The following PDE1C variants were observed in gnomAD, a reference collection of about 807,000 sequenced individuals.
The protein encoded by PDE1C is phosphodiesterase 1C.
A neutral mutation model predicts 93.1 loss-of-function variants in PDE1C; 62 were observed. That is an observed-to-expected ratio of 0.67 (90% confidence interval 0.54 to 0.82). The LOEUF (loss-of-function observed/expected upper bound fraction) is 0.82, where lower values mean the gene tolerates loss of function less well. Among genes scored for constraint, PDE1C ranks in the 40% least tolerant of loss-of-function variants. The pLI, the probability that PDE1C is intolerant of heterozygous loss-of-function variation, is 0.00. For missense variants in PDE1C, 742 were observed against 884.6 expected, an observed-to-expected ratio of 0.84 and a Z score of 2.04; for synonymous variants, 325 against 310.1, an observed-to-expected ratio of 1.05 and a Z score of -0.50.
the PDE1C span, among the ~76,000 whole-genome samples, chr7:31,644,664 T>C: frequency 6.6e-6 from 1 of 152,214 alleles, no homozygotes; most frequent in African/African-American, 2.4e-5. Context: ...AGCCCTTGAT[T>C]AATCAGTAAT....
At chr7:32,383,629 A>ATT (rs1344673929) in intron 1 of PDE1C, among the ~76,000 whole-genome samples, 1 of 151,000 alleles carries the variant, frequency 6.6e-6, no homozygotes, top group Admixed American at 6.6e-5. Flanking sequence ...TGATATAATA[A>ATT]TTATCAGAAT....
intron 17 of PDE1C, among the ~76,000 whole-genome samples, chr7:31,758,317 TA>T (rs891753740): frequency 1.3e-4 from 10 of 79,280 alleles, no homozygotes; most frequent in South Asian, 2.9e-4. Context: ...TAAAAAAAAT[TA>T]AAAAAAAATT....
the PDE1C span, among the ~76,000 whole-genome samples, chr7:31,644,728 A>G: frequency 6.6e-6 from 1 of 152,200 alleles, no homozygotes; most frequent in Non-Finnish European, 1.5e-5. Context: ...AAGGTAAGAA[A>G]TGATCTAGGC....
chr7:32,051,632 G>T, intron 1 of PDE1C, 52 bp from the exon 2 acceptor site: 3 of 1,497,764 alleles, frequency 2.0e-6, no homozygotes, highest in Admixed American at 1.7e-5. Context: ...GCAGGCAGTG[G>T]GTAAGAAAGG....
chr7:32,326,830 T>G (rs911877336), intron 1 of PDE1C, among the ~76,000 whole-genome samples: 1 of 152,126 alleles, frequency 6.6e-6, no homozygotes, highest in African/African-American at 2.4e-5. Context: ...AATAACAGCA[T>G]GTTTGCATGC....
rs2072426 is a variant in PDE1C, at chr7:31,822,477, T to C, written c.1582+596A>G. Among the ~76,000 whole-genome samples the C allele has an allele frequency of 5.1e-4, 77 of 152,298 alleles. 1 individual carries two copies. In the East Asian group the frequency reaches 0.014, roughly 27 times the overall value. On this transcript the variant is annotated intron_variant, in intron 14 of 17. Transcript: ENST00000396191. ...GCTTTCCAAATCATACAAATTTCCA[T>C]ATTTTTCTGTTGATAGTACCAAGGG...
rs926239332 is a variant in PDE1C, at chr7:31,964,007, G to T, written c.129-83147C>A. ...GGTGGCCAAATAGGAACAGCTGGGAGCTATCTACAGCTCCCAGTGTGAGCG... is the reference window on the plus strand; with the variant it reads ...GGTGGCCAAATAGGAACAGCTGGGATCTATCTACAGCTCCCAGTGTGAGCG... On this transcript the variant is annotated intron_variant, in intron 2 of 17. Transcript: ENST00000396191. 2.6e-5 allele frequency among the ~76,000 whole-genome samples: 4 copies of T among 152,218 alleles called. No homozygotes were observed. The South Asian group carries it at 8.3e-4, about 31-fold the overall frequency.
rs552772965 is a variant in PDE1C at position 32,182,824 on chromosome 7, A to G, written c.137-12868T>C. On this transcript the variant is annotated intron_variant, in intron 2 of 18. Transcript: ENST00000396193. ...GGGCAATCAGGCAGGAGAAGGAAATAAAGGGTATTCAATTAGGAAAAGAGG... is the reference window on the plus strand; with the variant it reads ...GGGCAATCAGGCAGGAGAAGGAAATGAAGGGTATTCAATTAGGAAAAGAGG... Among the ~76,000 whole-genome samples the G allele has an allele frequency of 4.1e-3, 630 of 152,302 alleles. 2 individuals are homozygous for G. Among genetic ancestry groups the G allele is most frequent in the African/African-American group, 0.015 (605 of 41,570 alleles).
intron 6 of PDE1C, among the ~76,000 whole-genome samples, chr7:31,870,558 A>C (rs138018056): frequency 7.7e-4 from 117 of 152,172 alleles, no homozygotes; most frequent in African/African-American, 2.6e-3. Flanking sequence ...ATCATGAGGA[A>C]ATTGAAAACC....
chr7:32,092,602 C>T (rs1797530373), intron 3 of PDE1C, among the ~76,000 whole-genome samples: 1 of 152,192 alleles, frequency 6.6e-6, no homozygotes, highest in South Asian at 2.1e-4. Flanking sequence ...GAGGTCCCTT[C>T]CAGATCCCAC....
rs191385807 is a variant in PDE1C, at chr7:31,963,718, C to A, written c.129-82858G>T. On this transcript the variant is annotated intron_variant, in intron 2 of 17. Transcript: ENST00000396191. ...AAGTGAATTTGAATTGGTTTCCTTG[C>A]AAGAGACAGAAATAAACACAGAGTG... 1.4e-3 allele frequency among the ~76,000 whole-genome samples: 211 copies of A among 152,262 alleles called. 1 individual carries two copies. Among genetic ancestry groups the A allele is most frequent in the Non-Finnish European group, 2.3e-3 (158 of 68,022 alleles).
chr7:31,726,370 T>C, the PDE1C span, among the ~76,000 whole-genome samples: 2 of 152,188 alleles, frequency 1.3e-5, no homozygotes, highest in Non-Finnish European at 2.9e-5. Flanking sequence ...ATAATACTCT[T>C]AATATTGTAC....
chr7:32,374,688 T>G (rs1784405585), intron 1 of PDE1C, among the ~76,000 whole-genome samples: 1 of 152,262 alleles, frequency 6.6e-6, no homozygotes, highest in Non-Finnish European at 1.5e-5. Context: ...TTCTTATCTA[T>G]CAAATCATAA....
intron 2 of PDE1C, among the ~76,000 whole-genome samples, chr7:32,206,172 C>T (rs1047987895): frequency 1.4e-4 from 22 of 152,210 alleles, no homozygotes; most frequent in African/African-American, 4.8e-4. Context: ...CTGCTGGGGA[C>T]TCTCCCACTA....
intron 3 of PDE1C, among the ~76,000 whole-genome samples, chr7:32,153,671 A>T (rs564810790): frequency 6.6e-6 from 1 of 152,360 alleles, no homozygotes; most frequent in African/African-American, 2.4e-5. Flanking sequence ...TGTCAATCAG[A>T]AATCTGAACA....
chr7:32,309,613 G>C (rs990178278), intron 1 of PDE1C, among the ~76,000 whole-genome samples: 1 of 152,204 alleles, frequency 6.6e-6, no homozygotes, highest in South Asian at 2.1e-4. Flanking sequence ...TTATAGAAAA[G>C]AATTTCCAAC....
intron 2 of PDE1C, among the ~76,000 whole-genome samples, chr7:31,934,381 A>T (rs1411731302): frequency 6.6e-6 from 1 of 152,236 alleles, no homozygotes; most frequent in African/African-American, 2.4e-5. Context: ...ATTTTTGTTC[A>T]TAAGTGTAAT....
intron 3 of PDE1C, among the ~76,000 whole-genome samples, chr7:32,166,051 CAAAA>C (rs34514936): frequency 1.4e-5 from 2 of 142,814 alleles, no homozygotes; most frequent in African/African-American, 2.6e-5. Flanking sequence ...GTTTTGCCAC[CAAAA>C]AAAAAAAAAG....
the PDE1C span, chr7:31,695,456 C>G: frequency 6.3e-7 from 1 of 1,588,786 alleles, no homozygotes; most frequent in Non-Finnish European, 8.5e-7. Flanking sequence ...TCTTTGTATC[C>G]TGTCAAAATT....
Sources: gnomAD v4.1 joint callset for allele counts (sites outside exome capture counted in the v4.1 genomes callset) on GRCh38, gnomAD v4.1.1 for gene constraint, MANE v1.5 for transcripts, NCBI Gene and HGNC (gene_info 2026-07-23, HGNC 2026-07-21) for gene names.